Variants in CDH13 observed in about 807,000 individuals in gnomAD.
CDH13 encodes the protein cadherin 13.
A neutral mutation model predicts 63.8 loss-of-function variants in CDH13; 24 were observed. The observed-to-expected ratio is 0.38, with a 90% CI of 0.27 to 0.53. The LOEUF (loss-of-function observed/expected upper bound fraction) is 0.53, where lower values mean the gene tolerates loss of function less well. Ranked by LOEUF, CDH13 falls within the 20% of genes least tolerant of loss-of-function variation. CDH13 has a pLI of 0.85. For synonymous variants in CDH13, 503 were observed against 355.3 expected (o/e 1.42, Z -4.67); for missense variants, 1,049 against 903.1 (o/e 1.16, Z -2.07).
intron 6 of CDH13, among the ~76,000 whole-genome samples, chr16:83,475,561 A>G (rs2073580576): frequency 6.6e-6 from 1 of 152,068 alleles, no homozygotes; most frequent in Non-Finnish European, 1.5e-5. Context: ...CTAGCCTAAT[A>G]TAGTCTATGT....
At chr16:82,707,547 C>A (rs761831962) in intron 1 of CDH13, among the ~76,000 whole-genome samples, 26 of 152,134 alleles carry the variant, frequency 1.7e-4, no homozygotes, top group Admixed American at 7.9e-4. Context: ...AAGAAGTCTT[C>A]CTAGAAGCCA....
At chr16:83,128,082 T>C (rs2035890171) in intron 4 of CDH13, among the ~76,000 whole-genome samples, 1 of 152,228 alleles carries the variant, frequency 6.6e-6, no homozygotes, top group African/African-American at 2.4e-5. Context: ...AGTTTTCTTT[T>C]AGATAATCCT....
chr16:83,656,600 C>T (rs1043497911), intron 8 of CDH13, among the ~76,000 whole-genome samples: 1 of 152,182 alleles, frequency 6.6e-6, no homozygotes, highest in East Asian at 1.9e-4. Context: ...AAAAGTCAAC[C>T]AGATCCAGGC....
At chr16:83,075,654 G>A (rs12446149) in intron 3 of CDH13, among the ~76,000 whole-genome samples, 25,161 of 152,148 alleles carry the variant, frequency 0.17, 2,345 homozygotes, top group African/African-American at 0.25. Context: ...TGAGTTAGGC[G>A]AGGCGGTCCC....
chr16:83,248,783 C>T (rs1203417191), intron 5 of CDH13, among the ~76,000 whole-genome samples: 2 of 152,190 alleles, frequency 1.3e-5, no homozygotes, highest in Non-Finnish European at 2.9e-5. Context: ...ACACCCGTAG[C>T]TTCACCCATC....
chr16:82,649,516 T>C (rs1046148444), intron 1 of CDH13, among the ~76,000 whole-genome samples: 4 of 152,116 alleles, frequency 2.6e-5, no homozygotes, highest in African/African-American at 4.8e-5. Flanking sequence ...TTTGAGAAGG[T>C]CCTTCCAGTT....
intron 5 of CDH13, among the ~76,000 whole-genome samples, chr16:83,276,571 A>T (rs145105888): frequency 1.3e-5 from 2 of 152,186 alleles, no homozygotes; most frequent in Non-Finnish European, 2.9e-5. Flanking sequence ...GCAGAAGACA[A>T]GAGCATGTCA....
intron 5 of CDH13, among the ~76,000 whole-genome samples, chr16:83,220,327 G>A (rs999318849): frequency 2.1e-4 from 32 of 152,184 alleles, no homozygotes; most frequent in Non-Finnish European, 4.6e-4. Flanking sequence ...GCACAGGAAT[G>A]TTGCAATTTC....
At chr16:83,555,514 A>T (rs976577758) in intron 7 of CDH13, among the ~76,000 whole-genome samples, 1 of 152,218 alleles carries the variant, frequency 6.6e-6, no homozygotes, top group Non-Finnish European at 1.5e-5. Context: ...TTCACTGGAA[A>T]AGCCGAAAGA....
chr16:83,254,543 T>A (rs1905976889), intron 5 of CDH13, among the ~76,000 whole-genome samples: 1 of 152,226 alleles, frequency 6.6e-6, no homozygotes, highest in Non-Finnish European at 1.5e-5. Context: ...GGATCCCCTG[T>A]GGCTGGCATG....
At chr16:82,744,723 C>G (rs1010041416) in intron 1 of CDH13, among the ~76,000 whole-genome samples, 12 of 152,178 alleles carry the variant, frequency 7.9e-5, no homozygotes, top group Non-Finnish European at 1.6e-4. Flanking sequence ...GTGAATACTT[C>G]TATACACATG....
At chr16:83,703,855 C>G (rs1906611633) in intron 10 of CDH13, among the ~76,000 whole-genome samples, 2 of 152,298 alleles carry the variant, frequency 1.3e-5, no homozygotes, top group South Asian at 4.1e-4. Context: ...CCATAATAGG[C>G]ACGAACTCGC....
At chr16:83,672,937 C>T (rs532144555) in intron 9 of CDH13, among the ~76,000 whole-genome samples, 6 of 152,298 alleles carry the variant, frequency 3.9e-5, no homozygotes, top group East Asian at 3.9e-4. Context: ...TTTACAGCTT[C>T]GAAAGTGCAA....
At chr16:82,751,338 C>T (rs1350888) in intron 1 of CDH13, among the ~76,000 whole-genome samples, 84,542 of 151,912 alleles carry the variant, frequency 0.56, 23,746 homozygotes, top group East Asian at 0.77. Context: ...GTAAATGAAG[C>T]CCAAAGGAAC....
intron 4 of CDH13, among the ~76,000 whole-genome samples, chr16:83,148,896 T>C (rs1188736396): frequency 6.6e-6 from 1 of 152,214 alleles, no homozygotes; most frequent in Non-Finnish European, 1.5e-5. Flanking sequence ...ATCCTCATTC[T>C]AGCAATAGTA....
At chr16:83,466,641 G>A (rs147329878) in intron 6 of CDH13, among the ~76,000 whole-genome samples, 10 of 152,308 alleles carry the variant, frequency 6.6e-5, no homozygotes, top group African/African-American at 1.7e-4. Context: ...GGAATGAAAC[G>A]GAGTGGGGGG....
intron 6 of CDH13, among the ~76,000 whole-genome samples, chr16:83,435,391 C>G (rs1006463917): frequency 5.3e-5 from 8 of 152,124 alleles, no homozygotes; most frequent in African/African-American, 1.9e-4. Flanking sequence ...ATCTTTTTTC[C>G]AAACACTGCA....
chr16:82,813,038 T>G (rs1330209308), intron 1 of CDH13, among the ~76,000 whole-genome samples: 2 of 152,142 alleles, frequency 1.3e-5, no homozygotes, highest in African/African-American at 2.4e-5. Context: ...GAGTCAATGA[T>G]GTAACACTTT....
chr16:82,700,161 A>G (rs563394066), intron 1 of CDH13, among the ~76,000 whole-genome samples: 27 of 152,370 alleles, frequency 1.8e-4, no homozygotes, highest in African/African-American at 6.5e-4. Flanking sequence ...CATTTAGGTT[A>G]AAGAAATTTA....
Sources: gnomAD v4.1 joint callset for allele counts (sites outside exome capture counted in the v4.1 genomes callset) on GRCh38, gnomAD v4.1.1 for gene constraint, MANE v1.5 for transcripts, NCBI Gene and HGNC (gene_info 2026-07-23, HGNC 2026-07-21) for gene names.